The following HPSE2 variants were observed in gnomAD, a reference collection of about 807,000 sequenced individuals.
HPSE2 encodes the protein inactive heparanase-2.
HPSE2 carries 38 observed loss-of-function variants against 60.5 expected under a neutral mutation model. The observed-to-expected ratio is 0.63, with a 90% CI of 0.48 to 0.82. The LOEUF (loss-of-function observed/expected upper bound fraction) is 0.82. Among genes scored for constraint, HPSE2 ranks in the 40% least tolerant of loss-of-function variants. The pLI is 0.00. For synonymous variants in HPSE2, 295 were observed against 293.2 expected (o/e 1.01, Z -0.06); for missense variants, 713 against 740.4 (o/e 0.96, Z 0.43).
At chr10:98,986,264 T>G (rs1956346152) in intron 3 of HPSE2, among the ~76,000 whole-genome samples, 1 of 152,000 alleles carries the variant, frequency 6.6e-6, no homozygotes, top group African/African-American at 2.4e-5. Context: ...TCAGCAAATG[T>G]AAAAGAACAG....
the HPSE2 span, among the ~76,000 whole-genome samples, chr10:99,277,158 C>T: frequency 2.6e-5 from 4 of 152,056 alleles, no homozygotes; most frequent in Non-Finnish European, 4.4e-5. Context: ...CAAGATATCC[C>T]GTGGGGATAT....
chr10:98,809,119 A>T (rs1437376161), intron 3 of HPSE2, among the ~76,000 whole-genome samples: 1 of 152,140 alleles, frequency 6.6e-6, no homozygotes, highest in Non-Finnish European at 1.5e-5. Context: ...TGAAACTCAT[A>T]GTTTTGATAA....
chr10:98,616,789 T>C (rs905616368), intron 8 of HPSE2, among the ~76,000 whole-genome samples: 1 of 152,198 alleles, frequency 6.6e-6, no homozygotes, highest in Non-Finnish European at 1.5e-5. Flanking sequence ...ACCCAGGGAA[T>C]TGAAATTACT....
chr10:99,165,705 C>G (rs1049373128), intron 2 of HPSE2, among the ~76,000 whole-genome samples: 2 of 151,906 alleles, frequency 1.3e-5, no homozygotes, highest in Non-Finnish European at 2.9e-5. Context: ...TGTCACCATG[C>G]CCCGCTAATT....
At chr10:98,822,831 C>T (rs1030739140) in intron 3 of HPSE2, among the ~76,000 whole-genome samples, 18 of 152,188 alleles carry the variant, frequency 1.2e-4, no homozygotes, top group African/African-American at 4.3e-4. Context: ...ATGATGGCTG[C>T]CCTCTCCCAA....
chr10:99,053,045 AAAAC>A (rs1379929018), intron 3 of HPSE2, among the ~76,000 whole-genome samples: 2 of 151,838 alleles, frequency 1.3e-5, no homozygotes, highest in Non-Finnish European at 2.9e-5. Context: ...TCTTGAAAAA[AAAAC>A]AAACTGCCTA....
rs117773769 is a variant in HPSE2, at chr10:98,485,191, A to G, written c.1467-2409T>C. Among the ~76,000 whole-genome samples the G allele has an allele frequency of 3.3e-5, 5 of 152,240 alleles. No individual in the cohort carries two copies. In the East Asian group the frequency reaches 7.7e-4, roughly 24 times the overall value. ...TTCCGTGGAGATTTTGATGCAATCT[A>G]TTTGGGATTAGGGACTGGGAATCTA... On this transcript the variant is annotated intron_variant, in intron 10 of 11. Coordinates refer to ENST00000370552, the MANE Select transcript of HPSE2 (RefSeq NM_021828.5).
intron 4 of HPSE2, among the ~76,000 whole-genome samples, chr10:98,740,316 C>T (rs1393404049): frequency 6.6e-6 from 1 of 151,930 alleles, no homozygotes; most frequent in African/African-American, 2.4e-5. Context: ...CCCAGGATCA[C>T]AGGTGCATGC....
chr10:98,801,815 CA>C (rs1461457477), intron 3 of HPSE2, among the ~76,000 whole-genome samples: 4 of 152,110 alleles, frequency 2.6e-5, no homozygotes, highest in Admixed American at 2.0e-4. Flanking sequence ...ATACCAATGA[CA>C]TTCTTCCTAG....
chr10:99,251,462 G>A, the HPSE2 span, among the ~76,000 whole-genome samples: 3 of 43,044 alleles, frequency 7.0e-5, no homozygotes, highest in Non-Finnish European at 8.1e-5. Flanking sequence ...CCAAAAAATC[G>A]AGGAGGAGGG....
intron 9 of HPSE2, among the ~76,000 whole-genome samples, chr10:98,556,351 T>C (rs1944007965): frequency 6.6e-6 from 1 of 152,234 alleles, no homozygotes; most frequent in Non-Finnish European, 1.5e-5. Flanking sequence ...GATGGCTCGA[T>C]TCAAAGATGA....
intron 2 of HPSE2, among the ~76,000 whole-genome samples, chr10:99,175,009 G>A (rs575051385): frequency 6.6e-6 from 1 of 152,136 alleles, no homozygotes; most frequent in African/African-American, 2.4e-5. Flanking sequence ...AAACCGCAAG[G>A]GGGTGGTGAA....
chr10:99,296,815 T>C, the HPSE2 span, among the ~76,000 whole-genome samples: 4 of 152,040 alleles, frequency 2.6e-5, no homozygotes, highest in Non-Finnish European at 5.9e-5. Context: ...AGGGCAGTAG[T>C]CAAGGACTGG....
intron 5 of HPSE2, among the ~76,000 whole-genome samples, chr10:98,698,438 C>T (rs1229331007): frequency 6.6e-6 from 1 of 151,770 alleles, no homozygotes; most frequent in African/African-American, 2.4e-5. Context: ...TTCTTTGAAA[C>T]CAACGAGAAC....
chr10:98,883,986 G>A lies in HPSE2; in HGVS notation c.611-139930C>T, dbSNP rs1050009283. Reference sequence around the variant, plus strand: ...CCAAACAGTTAGCCAACTTGTTAATGTAAAGAAAAAAGTTATTGAAGAAAA... The same window carrying A: ...CCAAACAGTTAGCCAACTTGTTAATATAAAGAAAAAAGTTATTGAAGAAAA... On this transcript the variant is annotated intron_variant, in intron 3 of 11. Transcript: ENST00000370552. 1.3e-5 allele frequency among the ~76,000 whole-genome samples: 2 copies of A among 152,064 alleles called. 1 individual carries two copies. The highest frequency in any genetic ancestry group is 2.9e-5 in the Non-Finnish European group (2 of 68,006).
At chr10:98,808,525 G>A (rs1443310565) in intron 3 of HPSE2, among the ~76,000 whole-genome samples, 3 of 152,100 alleles carry the variant, frequency 2.0e-5, no homozygotes, top group African/African-American at 7.2e-5. Context: ...AATTAAGTGA[G>A]AGTCATGCCT....
intron 3 of HPSE2, among the ~76,000 whole-genome samples, chr10:99,132,170 A>AAAGAAAGAAAGGAAGG: frequency 1.3e-4 from 1 of 7,412 alleles, no homozygotes; most frequent in African/African-American, 2.1e-4. Context: ...AGAAAGAAAG[A>AAAGAAAGAAAGGAAGG]AAGAAAGAAA....
chr10:98,490,273 ACACACACAC>A, intron 9 of HPSE2, 77 bp from the exon 10 acceptor site: 1 of 404,932 alleles, frequency 2.5e-6, no homozygotes, highest in Non-Finnish European at 3.2e-6. Context: ...ACACACACAC[ACACACACAC>A]ACACACACAC....
chr10:99,018,340 A>G (rs1214427328), intron 3 of HPSE2, among the ~76,000 whole-genome samples: 1 of 152,220 alleles, frequency 6.6e-6, no homozygotes, highest in East Asian at 1.9e-4. Flanking sequence ...AAGGCTGCCT[A>G]GAAAGAGCAG....
Sources: allele counts gnomAD v4.1 joint callset (sites outside exome capture counted in the v4.1 genomes callset), GRCh38; gene constraint gnomAD v4.1.1; transcripts MANE v1.5; gene names NCBI Gene and HGNC (gene_info 2026-07-23, HGNC 2026-07-21).